The following CDH13 variants were observed in gnomAD, a reference collection of about 807,000 sequenced individuals.
The protein encoded by CDH13 is cadherin 13, also known as cadherin-13.
In CDH13, 24 loss-of-function variants were observed where a neutral mutation model predicts 63.8. The ratio of observed to expected loss-of-function variants is 0.38; its 90% confidence interval spans 0.27 to 0.53. CDH13 has a LOEUF of 0.53. CDH13 is among the 20% of genes least tolerant of loss of function. The probability of loss-of-function intolerance (pLI) is 0.85; values close to 1 mark genes in which losing one functional copy is unlikely to be tolerated. For synonymous variants in CDH13, 503 were observed against 355.3 expected (o/e 1.42, Z -4.67); for missense variants, 1,049 against 903.1 (o/e 1.16, Z -2.07).
chr16:83,405,386 G>C (rs1286643329), intron 6 of CDH13, among the ~76,000 whole-genome samples: 1 of 152,148 alleles, frequency 6.6e-6, no homozygotes, highest in African/African-American at 2.4e-5. Context: ...AGTCTGATAC[G>C]CCCAATGTAA....
chr16:83,575,573 C>T (rs1416312525), intron 7 of CDH13, among the ~76,000 whole-genome samples: 3 of 152,188 alleles, frequency 2.0e-5, no homozygotes, highest in Non-Finnish European at 4.4e-5. Context: ...CACCCATGCC[C>T]ATCCCAGGGC....
intron 1 of CDH13, among the ~76,000 whole-genome samples, chr16:82,750,722 T>G (rs1158845572): frequency 6.6e-6 from 1 of 152,146 alleles, no homozygotes; most frequent in African/African-American, 2.4e-5. Context: ...AAGGAGAAAT[T>G]CTCTAAGTCC....
At chr16:83,128,162 C>A (rs750011836) in intron 4 of CDH13, among the ~76,000 whole-genome samples, 2 of 152,170 alleles carry the variant, frequency 1.3e-5, no homozygotes, top group African/African-American at 2.4e-5. Context: ...AGGGCTCCAC[C>A]CTCAGAGATT....
At chr16:82,855,176 G>C (rs1485208388) in intron 1 of CDH13, among the ~76,000 whole-genome samples, 1 of 152,204 alleles carries the variant, frequency 6.6e-6, no homozygotes, top group Non-Finnish European at 1.5e-5. Flanking sequence ...CTAAGAGTCA[G>C]CAGCTGGAAA....
At chr16:83,503,651 G>T (rs1051987354) in intron 7 of CDH13, among the ~76,000 whole-genome samples, 2 of 152,194 alleles carry the variant, frequency 1.3e-5, no homozygotes, top group African/African-American at 4.8e-5. Flanking sequence ...GACCAGTGAC[G>T]ATGAGCTTTT....
At chr16:82,690,736 C>T (rs1915564503) in intron 1 of CDH13, among the ~76,000 whole-genome samples, 1 of 152,206 alleles carries the variant, frequency 6.6e-6, no homozygotes, top group Non-Finnish European at 1.5e-5. Context: ...TGGTAGATAT[C>T]CTTATGCATG....
intron 6 of CDH13, among the ~76,000 whole-genome samples, chr16:83,381,205 C>G (rs2091560498): frequency 6.6e-6 from 1 of 152,024 alleles, no homozygotes; most frequent in African/African-American, 2.4e-5. Flanking sequence ...GTACCTTTTT[C>G]TAATTTCTAA....
chr16:83,643,603 A>G (rs1379227225), intron 8 of CDH13, among the ~76,000 whole-genome samples: 1 of 151,830 alleles, frequency 6.6e-6, no homozygotes, highest in East Asian at 1.9e-4. Flanking sequence ...TTCCCCCTTC[A>G]GCTTATGCTA....
intron 5 of CDH13, among the ~76,000 whole-genome samples, chr16:83,237,026 G>T (rs970891931): frequency 6.6e-6 from 1 of 152,160 alleles, no homozygotes; most frequent in Non-Finnish European, 1.5e-5. Context: ...GAAAACCCAG[G>T]TGTGAGGACC....
At position 83,440,788 on chromosome 16, in the gene CDH13, A is replaced by G. The variant is rs954876280; in HGVS notation, c.782-45689A>G. ...CAGCAGATTGAGACTTCATCTCAAAAAAAAAAAAAAAAAAGCGGGGGAGGG... is the reference window on the plus strand; with the variant it reads ...CAGCAGATTGAGACTTCATCTCAAAGAAAAAAAAAAAAAAGCGGGGGAGGG... On this transcript the variant is annotated intron_variant, in intron 6 of 13. Transcript: ENST00000567109. Among the ~76,000 whole-genome samples the G allele has an allele frequency of 1.6e-3, 162 of 103,646 alleles. 1 individual carries two copies. Among genetic ancestry groups the G allele is most frequent in the African/African-American group, 4.0e-3 (142 of 35,418 alleles). The allele number at this position is 103,646 out of a possible 152,430, so 68.0% of individuals were successfully genotyped here.
chr16:83,592,635 A>G (rs1325685190), intron 7 of CDH13, among the ~76,000 whole-genome samples: 2 of 152,196 alleles, frequency 1.3e-5, no homozygotes, highest in African/African-American at 2.4e-5. Flanking sequence ...CATTTAGGCT[A>G]TTCCAGCCAC....
intron 10 of CDH13, among the ~76,000 whole-genome samples, chr16:83,681,468 G>T (rs1384168856): frequency 6.6e-6 from 1 of 152,072 alleles, no homozygotes; most frequent in Non-Finnish European, 1.5e-5. Context: ...CACTCCTCAG[G>T]CATATTCCTT....
chr16:83,447,877 T>C (rs1468980389), intron 6 of CDH13, among the ~76,000 whole-genome samples: 1 of 151,936 alleles, frequency 6.6e-6, no homozygotes, highest in Non-Finnish European at 1.5e-5. Context: ...AGCTCCCACA[T>C]CAAGTAGCCC....
chr16:83,651,724 T>C (rs1360119506), intron 8 of CDH13, among the ~76,000 whole-genome samples: 3 of 150,362 alleles, frequency 2.0e-5, no homozygotes, highest in African/African-American at 7.3e-5. Flanking sequence ...GCCTCCCAAG[T>C]AGCTGGGATT....
chr16:83,636,517 C>A (rs1911278894), intron 8 of CDH13, among the ~76,000 whole-genome samples: 1 of 152,098 alleles, frequency 6.6e-6, no homozygotes, highest in African/African-American at 2.4e-5. Flanking sequence ...ACTCTCACTT[C>A]GGACTGAGAA....
At chr16:83,458,216 GTTT>G (rs2073076178) in intron 6 of CDH13, among the ~76,000 whole-genome samples, 1 of 152,274 alleles carries the variant, frequency 6.6e-6, no homozygotes, top group East Asian at 1.9e-4. Context: ...AAGATCTGCT[GTTT>G]CTCCTGTACT....
intron 5 of CDH13, among the ~76,000 whole-genome samples, chr16:83,225,162 G>A (rs1013388606): frequency 2.0e-5 from 3 of 152,176 alleles, no homozygotes; most frequent in Admixed American, 2.0e-4. Flanking sequence ...GACGCTCACT[G>A]TAGTTGGAGG....
At chr16:83,098,250 T>A (rs901365405) in intron 3 of CDH13, among the ~76,000 whole-genome samples, 5 of 152,358 alleles carry the variant, frequency 3.3e-5, no homozygotes, top group East Asian at 1.9e-4. Flanking sequence ...ATTTCATATA[T>A]GGTATAAGAA....
chr16:83,125,316 T>G (rs1460106998), intron 3 of CDH13, 69 bp from the exon 4 acceptor site: 3 of 842,750 alleles, frequency 3.6e-6, no homozygotes, highest in Non-Finnish European at 6.0e-6. Flanking sequence ...AAAGGAACTC[T>G]ATCTCGGAGC....
Sources: allele counts gnomAD v4.1 joint callset (sites outside exome capture counted in the v4.1 genomes callset), GRCh38; gene constraint gnomAD v4.1.1; transcripts MANE v1.5; gene names NCBI Gene and HGNC (gene_info 2026-07-23, HGNC 2026-07-21).